STK32C: variants seen among roughly 807,000 people sequenced by gnomAD.
The protein encoded by STK32C is serine/threonine-protein kinase 32C.
In STK32C, 31 loss-of-function variants were observed where a neutral mutation model predicts 56.5. The ratio of observed to expected loss-of-function variants is 0.55; its 90% CI spans 0.41 to 0.74. The LOEUF (loss-of-function observed/expected upper bound fraction) is 0.74, where lower values mean the gene tolerates loss of function less well. STK32C is among the 30% of genes least tolerant of loss of function. The pLI is 0.00. For missense variants in STK32C, 544 were observed against 676.9 expected (o/e 0.80, Z 2.18); for synonymous variants, 309 against 289.4 (o/e 1.07, Z -0.69).
Position 132,246,075 on chromosome 10 carries a change from G to A in STK32C, c.263-120C>T, listed in dbSNP as rs75326985. 4.2e-3 allele frequency: 4,305 copies of A among 1,013,402 alleles called. 126 individuals carry two copies. The African/African-American group carries it at 0.058, about 14-fold the overall frequency. 62.8% of individuals were successfully genotyped at this position (1,013,402 alleles called of 1,614,324 possible). On this transcript the variant is annotated intron_variant, in intron 1 of 11. Coordinates refer to ENST00000298630, the MANE Select transcript of STK32C (RefSeq NM_173575.4). Reference sequence around the variant, plus strand: ...CCCAGGGCCCCTCATCCTAGAAGAGGGTCGCCGTGGGGCGGGCCAAACTCT... The same window carrying A: ...CCCAGGGCCCCTCATCCTAGAAGAGAGTCGCCGTGGGGCGGGCCAAACTCT...
rs576628457 is a variant in STK32C, at chr10:132,215,692, T to C, written c.1252-6591A>G. ...CGTGAGAACAGACTAATACAGTAAA[T>C]TGGTACCAGTAAAGTAGGGCGCTGC... On this transcript the variant is annotated intron_variant, in intron 10 of 11. Coordinates refer to ENST00000298630, the MANE Select transcript of STK32C (RefSeq NM_173575.4). 3.3e-5 allele frequency among the ~76,000 whole-genome samples: 5 copies of C among 152,228 alleles called. No individual in the cohort carries two copies. In the South Asian group the frequency reaches 8.3e-4, roughly 25 times the overall value.
At chr10:132,331,818 C>G (rs756324779) in exon 1 of STK32C, 1 of 1,551,110 alleles carries the variant, frequency 6.4e-7, no homozygotes, top group Non-Finnish European at 8.7e-7. Context: ...CGACCACCAC[C>G]CCTTCAAGGC....
At chr10:132,218,658 GCA>G (rs1277220870) in intron 10 of STK32C, among the ~76,000 whole-genome samples, 1 of 152,172 alleles carries the variant, frequency 6.6e-6, no homozygotes, top group African/African-American at 2.4e-5. Flanking sequence ...CAAACATGAA[GCA>G]CAGAGTCACA....
chr10:132,233,178 C>T (rs12359527), intron 2 of STK32C, among the ~76,000 whole-genome samples: 41,542 of 152,090 alleles, frequency 0.27, 6,649 homozygotes, highest in Admixed American at 0.41. Flanking sequence ...GTGCCCAGGA[C>T]GGGGCTGGAG....
chr10:132,324,605 A>G (rs1283503667), intron 1 of STK32C, among the ~76,000 whole-genome samples: 1 of 152,258 alleles, frequency 6.6e-6, no homozygotes, highest in African/African-American at 2.4e-5. Flanking sequence ...TCAACTTTCT[A>G]TAAAGTATAT....
At chr10:132,277,650 G>A (rs7093949) in intron 1 of STK32C, among the ~76,000 whole-genome samples, 18,728 of 152,256 alleles carry the variant, frequency 0.12, 1,920 homozygotes, top group African/African-American at 0.28. Context: ...TGGGACAGCT[G>A]CAGGCAACAT....
chr10:132,212,316 G>T (rs1048040079), intron 10 of STK32C, among the ~76,000 whole-genome samples: 1 of 152,170 alleles, frequency 6.6e-6, no homozygotes, highest in Non-Finnish European at 1.5e-5. Context: ...GCAATTCAAT[G>T]GGGAAAGAAT....
chr10:132,228,519 GCAAA>G lies in STK32C; in HGVS notation c.319-395_319-392del, dbSNP rs1379583032. Among the ~76,000 whole-genome samples the G allele has an allele frequency of 3.9e-5, 6 of 152,324 alleles. No homozygotes were observed. In the East Asian group the frequency reaches 1.2e-3, roughly 29 times the overall value. On this transcript the variant is annotated intron_variant, in intron 2 of 11. Transcript: ENST00000298630. The stretch of plus-strand genomic sequence containing the variant: ...ACACATCTGTCAACAGGCGCTATCT[GCAAA>G]CAGACAGGGTCCAGCCTAACAGCAT...
At chr10:132,323,553 C>T (rs1037691900), downstream of STK32C, among the ~76,000 whole-genome samples, 2 of 152,206 alleles carry the variant, frequency 1.3e-5, no homozygotes, top group South Asian at 2.1e-4. This position sits in a 1 kb window ranked among gnomAD's most constrained non-coding sequence, Gnocchi z 4.8. Context: ...CAGAGACGTC[C>T]ATGTCTGAAT....
chr10:132,307,541 G>A lies in STK32C; in HGVS notation c.262+31C>T, dbSNP rs1478773014. 2 of 1,529,992 alleles carry A rather than the reference G, an allele frequency of 1.3e-6. No individual in the cohort carries two copies. Among genetic ancestry groups the A allele is most frequent in the Non-Finnish European group, 8.8e-7 (1 of 1,139,920 alleles). The allele number at this position is 1,529,992 out of a possible 1,614,324, so 94.8% of individuals were successfully genotyped here. On this transcript the variant is annotated intron_variant, in intron 1 of 11. Coordinates refer to ENST00000298630, the MANE Select transcript of STK32C (RefSeq NM_173575.4). The surrounding 1 kb of genome is among the most constrained non-coding windows in gnomAD (Gnocchi z 4.4). ...GCGCCCGCCCCTGCAATAGCGCGCG[G>A]CCCCCACGTCGTCCCCGTGCCCGCA...
At chr10:132,223,187 C>A (rs1375225009) in intron 8 of STK32C, among the ~76,000 whole-genome samples, 2 of 152,182 alleles carry the variant, frequency 1.3e-5, no homozygotes, top group Non-Finnish European at 2.9e-5. Flanking sequence ...AGCATGTGGC[C>A]CAAGGGACGC....
At chr10:132,274,279 C>T (rs932743018) in intron 1 of STK32C, among the ~76,000 whole-genome samples, 4 of 152,198 alleles carry the variant, frequency 2.6e-5, no homozygotes, top group African/African-American at 7.2e-5. Flanking sequence ...TCAGGACTCA[C>T]ACGAGGGTAA....
chr10:132,329,834 C>T (rs1016825612), intron 1 of STK32C, among the ~76,000 whole-genome samples: 17 of 152,178 alleles, frequency 1.1e-4, no homozygotes, highest in African/African-American at 3.9e-4. Flanking sequence ...ACACGGCCAG[C>T]GCCAGGCAAC....
Position 132,209,161 on chromosome 10 carries a change from C to A in STK32C, c.1252-60G>T, listed in dbSNP as rs1003310523. On this transcript the variant is annotated intron_variant, in intron 10 of 11. Coordinates refer to ENST00000298630, the MANE Select transcript of STK32C (RefSeq NM_173575.4). ...CGCTGTCCAGGTTCCGCCCATGTCC[C>A]CTCAAGTGAGTGTCTGGGCATCCCC... 9.3e-6 allele frequency: 14 copies of A among 1,502,048 alleles called. No individual in the cohort carries two copies. In the African/African-American group the frequency reaches 1.8e-4, roughly 19 times the overall value. The allele number at this position is 1,502,048 out of a possible 1,614,324, so 93.0% of individuals were successfully genotyped here.
chr10:132,271,566 G>A lies in STK32C; in HGVS notation c.263-25611C>T, dbSNP rs1466156013. On this transcript the variant is annotated intron_variant, in intron 1 of 11. Transcript: ENST00000298630. ...ATCTGACCCCACACACAGCACTCAGGGTGGGAAGAAGGTGGCCGTGGCGTC... is the reference window on the plus strand; with the variant it reads ...ATCTGACCCCACACACAGCACTCAGAGTGGGAAGAAGGTGGCCGTGGCGTC... Among the ~76,000 whole-genome samples the A allele has an allele frequency of 3.9e-5, 6 of 152,188 alleles. No individual in the cohort carries two copies. In the South Asian group the frequency reaches 6.2e-4, roughly 16 times the overall value.
intron 1 of STK32C, among the ~76,000 whole-genome samples, chr10:132,247,085 A>AG (rs776065055): frequency 3.9e-5 from 6 of 152,190 alleles, no homozygotes; most frequent in Non-Finnish European, 8.8e-5. Flanking sequence ...GTTATTCTAA[A>AG]GGCAGGGAAG....
intron 10 of STK32C, among the ~76,000 whole-genome samples, chr10:132,218,214 C>T (rs1479247964): frequency 6.6e-6 from 1 of 152,056 alleles, no homozygotes; most frequent in African/African-American, 2.4e-5. Context: ...GCCATTCTGG[C>T]AGCTGGGGCA....
chr10:132,307,925 C>T lies in STK32C; in HGVS notation c.-92G>A, dbSNP rs1250490150. 6.5e-6 allele frequency: 7 copies of T among 1,071,766 alleles called. No individual in the cohort carries two copies. Among genetic ancestry groups the T allele is most frequent in the Non-Finnish European group, 7.9e-6 (7 of 887,126 alleles). The allele number at this position is 1,071,766 out of a possible 1,614,324, so 66.4% of individuals were successfully genotyped here. ...CAGTGGTAGCGGGAGCGCTCGGGGC[C>T]GGCAGCGCCCGCCGTGCGCTCTTCT... On this transcript the variant is annotated 5_prime_UTR_variant, in exon 1 of 12. Transcript: ENST00000298630. The surrounding 1 kb of genome is among the most constrained non-coding windows in gnomAD (Gnocchi z 4.4).
At chr10:132,268,876 C>A (rs576471581) in intron 1 of STK32C, among the ~76,000 whole-genome samples, 2 of 124,624 alleles carry the variant, frequency 1.6e-5, no homozygotes, top group Non-Finnish European at 3.3e-5. Flanking sequence ...TGTCCCACAT[C>A]GTGTGTATGT....
Sources: allele counts gnomAD v4.1 joint callset (sites outside exome capture counted in the v4.1 genomes callset), GRCh38; gene constraint gnomAD v4.1.1; non-coding constraint Gnocchi (gnomAD v3.1); transcripts MANE v1.5; gene names NCBI Gene and HGNC (gene_info 2026-07-23, HGNC 2026-07-21).